The following USP40 variants were observed in gnomAD, a reference collection of about 807,000 sequenced individuals.
USP40 encodes the protein ubiquitin specific peptidase 40.
USP40 carries 143 observed loss-of-function variants against 166.2 expected under a neutral mutation model. The observed-to-expected ratio is 0.86, with a 90% confidence interval of 0.75 to 0.99. The LOEUF (loss-of-function observed/expected upper bound fraction) is 0.99, where lower values mean the gene tolerates loss of function less well. Ranked by LOEUF, USP40 falls within the 50% of genes least tolerant of loss-of-function variation. The pLI is 0.00. For synonymous variants in USP40, 498 were observed against 524.0 expected, an observed-to-expected ratio of 0.95 and a Z score of 0.68; for missense variants, 1,444 against 1,479.7, an observed-to-expected ratio of 0.98 and a Z score of 0.40.
chr2:233,560,986 C>T (rs1306753333), intron 3 of USP40: 1 of 789,096 alleles, frequency 1.3e-6, no homozygotes, highest in Non-Finnish European at 2.2e-6. Context: ...CTGATTCTTT[C>T]TCGGAAGGCA....
Position 233,495,140 on chromosome 2 carries a change from C to T in USP40, c.2791-1589G>A, listed in dbSNP as rs1329209698. 2.0e-5 allele frequency among the ~76,000 whole-genome samples: 3 copies of T among 150,504 alleles called. No homozygotes were observed. The East Asian group carries it at 5.9e-4, about 29-fold the overall frequency. ...CTCCAAACAATGGAGTATTATGAAGCTACTAAATTGAATGAGATAGCTTCA... is the reference window on the plus strand; with the variant it reads ...CTCCAAACAATGGAGTATTATGAAGTTACTAAATTGAATGAGATAGCTTCA... On this transcript the variant is annotated intron_variant, in intron 24 of 31. Coordinates refer to ENST00000678225, the MANE Select transcript of USP40 (RefSeq NM_001365479.2).
In USP40 at chr2:233,519,548, A is replaced by G. The variant is rs1260721110; in HGVS notation, c.2383+66T>C. ...TAAACTGTTTTTTGTATTCTCCTAT[A>G]TTTTCTTCAATTCAAGACCAAAATT... On this transcript the variant is annotated intron_variant, in intron 18 of 31. Transcript: ENST00000678225. The G allele has an allele frequency of 3.7e-6, 4 of 1,068,460 alleles. No homozygotes were observed. In the Admixed American group the frequency reaches 9.0e-5, roughly 24 times the overall value. 66.2% of individuals were successfully genotyped at this position (1,068,460 alleles called of 1,614,324 possible).
intron 21 of USP40, among the ~76,000 whole-genome samples, chr2:233,501,965 G>A (rs1407330929): frequency 6.6e-6 from 1 of 152,184 alleles, no homozygotes; most frequent in Non-Finnish European, 1.5e-5. Flanking sequence ...GGAAAACCTG[G>A]AGTTGTGGTC....
chr2:233,533,803 T>A (rs1206458338), intron 10 of USP40, 24 bp from the exon 11 acceptor site: 4 of 1,392,300 alleles, frequency 2.9e-6, no homozygotes, highest in Non-Finnish European at 3.9e-6. Context: ...AAAAAAAAAA[T>A]GCTAAGTTAA....
intron 8 of USP40, chr2:233,545,583 T>C (rs534648931): frequency 6.6e-6 from 1 of 152,598 alleles, no homozygotes; most frequent in South Asian, 2.1e-4. Context: ...TACATTCACA[T>C]TTTGCAGTTA....
intron 26 of USP40, 156 bp from the exon 27 acceptor site, chr2:233,489,639 T>G (rs146555911): frequency 1.4e-4 from 93 of 652,922 alleles, no homozygotes; most frequent in African/African-American, 6.2e-4. Flanking sequence ...CAGGAATCTC[T>G]CTCTCTCTTA....
rs773587597 is a variant in USP40 at position 233,512,553 on chromosome 2, T to C, written c.2437+16A>G. On this transcript the variant is annotated intron_variant, in intron 19 of 31. Coordinates refer to ENST00000678225, the MANE Select transcript of USP40 (RefSeq NM_001365479.2). ...CGAGTATAAGCCACCTTTTGAAAGT[T>C]ATCAAAAAGATTTACCTGGACAAAG... 1 of 1,566,708 alleles carries C rather than the reference T, an allele frequency of 6.4e-7. No homozygotes were observed. The highest frequency in any genetic ancestry group is 8.6e-7 in the Non-Finnish European group (1 of 1,157,254).
At chr2:233,535,360 G>A (rs985113402) in intron 10 of USP40, among the ~76,000 whole-genome samples, 13 of 152,158 alleles carry the variant, frequency 8.5e-5, no homozygotes, top group African/African-American at 3.1e-4. Flanking sequence ...AGAGCCAGAT[G>A]GTAAATATTT....
intron 8 of USP40, among the ~76,000 whole-genome samples, chr2:233,545,321 T>C (rs1300353563): frequency 1.3e-5 from 2 of 152,160 alleles, no homozygotes; most frequent in African/African-American, 2.4e-5. Context: ...GAGCCCAACA[T>C]ATGACAAGTT....
intron 13 of USP40, among the ~76,000 whole-genome samples, chr2:233,526,776 G>A (rs1020733200): frequency 1.3e-5 from 2 of 152,158 alleles, no homozygotes; most frequent in African/African-American, 4.8e-5. Context: ...GCAAGACATT[G>A]AGTCTCTTTA....
Position 233,511,808 on chromosome 2 carries a change from T to A in USP40, c.2438-11A>T. 1.3e-6 allele frequency: 2 copies of A among 1,593,172 alleles called. No homozygotes were observed. Among genetic ancestry groups the A allele is most frequent in the African/African-American group, 1.3e-5 (1 of 74,446 alleles). On this transcript the variant is annotated splice_polypyrimidine_tract_variant and intron_variant, in intron 19 of 31. Coordinates refer to ENST00000678225, the MANE Select transcript of USP40 (RefSeq NM_001365479.2). ...TATAGCTGTCCGGCACTTAAAAAAATTTTGATAATATGATGAAGGTTATTA... is the reference window on the plus strand; with the variant it reads ...TATAGCTGTCCGGCACTTAAAAAAAATTTGATAATATGATGAAGGTTATTA...
intron 24 of USP40, among the ~76,000 whole-genome samples, chr2:233,494,826 A>T (rs2065568382): frequency 1.2e-5 from 1 of 85,864 alleles, no homozygotes; most frequent in African/African-American, 4.5e-5. Flanking sequence ...ATCCTTTCTA[A>T]AAAAAAAAAA....
chr2:233,525,514 C>T lies in USP40; in HGVS notation c.1774G>A (p.Val592Ile), dbSNP rs746515937. Residue 592 changes from valine (V) to isoleucine (I), a missense_variant, in exon 14 of 32, where the codon GTA becomes ATA. Physicochemically the swap from Val to Ile is conservative, Grantham distance 29. Coordinates refer to ENST00000678225, the MANE Select transcript of USP40 (RefSeq NM_001365479.2). ...GDMVLSVAKL[V>I]PAGLHIYQSL... ...TGGTAAATGTGAAGTCCTGCTGGTACAAGCTTTGCAACACTAAGAACCATG... is the reference window on the plus strand; with the variant it reads ...TGGTAAATGTGAAGTCCTGCTGGTATAAGCTTTGCAACACTAAGAACCATG... 4.3e-6 allele frequency: 7 copies of T among 1,613,198 alleles called. No individual in the cohort carries two copies. In the Admixed American group the frequency reaches 5.0e-5, roughly 12 times the overall value.
chr2:233,497,867 C>T (rs1014766828), intron 23 of USP40, among the ~76,000 whole-genome samples: 6 of 152,320 alleles, frequency 3.9e-5, no homozygotes, highest in South Asian at 2.1e-4. Flanking sequence ...AGCATACCTC[C>T]CTAAATCAAC....
chr2:233,499,786 A>G (rs530671061), intron 22 of USP40, 93 bp downstream of exon 22: 2 of 1,050,466 alleles, frequency 1.9e-6, no homozygotes, highest in African/African-American at 1.6e-5. Context: ...CACACCCTAT[A>G]AATTTTTTTT....
intron 6 of USP40, among the ~76,000 whole-genome samples, chr2:233,552,690 T>C (rs2070685949): frequency 6.6e-6 from 1 of 152,216 alleles, no homozygotes. Flanking sequence ...GGGCAAAAAC[T>C]GGATGGAAAT....
intron 30 of USP40, among the ~76,000 whole-genome samples, chr2:233,483,880 C>T (rs2064781448): frequency 6.6e-6 from 1 of 152,186 alleles, no homozygotes. Context: ...GATTTTCCTA[C>T]ATAGATAACT....
At chr2:233,488,817 G>T (rs942924175) in intron 27 of USP40, among the ~76,000 whole-genome samples, 1 of 151,998 alleles carries the variant, frequency 6.6e-6, no homozygotes, top group Non-Finnish European at 1.5e-5. Flanking sequence ...GAGGTGGGAG[G>T]ATCACTTGAG....
chr2:233,525,512 T>A lies in USP40; in HGVS notation c.1776A>T (p.Val592=), dbSNP rs2067957462. The A allele has an allele frequency of 1.2e-6, 2 of 1,613,276 alleles. No individual in the cohort carries two copies. Among genetic ancestry groups the A allele is most frequent in the African/African-American group, 2.7e-5 (2 of 74,906 alleles). Residue 592 remains valine (V), a synonymous_variant, in exon 14 of 32, where the codon GTA becomes GTT. Transcript: ENST00000678225. ...ACTGGTAAATGTGAAGTCCTGCTGG[T>A]ACAAGCTTTGCAACACTAAGAACCA... ...GDMVLSVAKL[V]PAGLHIYQSL... is the part of the protein sequence containing the mutation.
Sources: gnomAD v4.1 joint callset for allele counts (sites outside exome capture counted in the v4.1 genomes callset) on GRCh38, gnomAD v4.1.1 for gene constraint, MANE v1.5 for transcripts, NCBI Gene and HGNC (gene_info 2026-07-23, HGNC 2026-07-21) for gene names.